Variants in NBEAL2 observed in about 807,000 individuals in gnomAD.
NBEAL2 encodes the protein neurobeachin like 2, also known as neurobeachin-like protein 2.
A neutral mutation model predicts 299.8 loss-of-function variants in NBEAL2; 160 were observed. That is an observed-to-expected ratio of 0.53 (90% confidence interval 0.47 to 0.61). The LOEUF is 0.61. Among genes scored for constraint, NBEAL2 ranks in the 20% least tolerant of loss-of-function variants. The probability of loss-of-function intolerance (pLI) is 0.00; values close to 1 mark genes in which losing one functional copy is unlikely to be tolerated. For missense variants in NBEAL2, 3,112 were observed against 3,649.0 expected (o/e 0.85, Z 3.79); for synonymous variants, 1,493 against 1,542.3 (o/e 0.97, Z 0.75).
At chr3:46,996,689 G>A in intron 16 of NBEAL2, 62 bp from the exon 17 acceptor site, 1 of 1,571,770 alleles carries the variant, frequency 6.4e-7, no homozygotes. Flanking sequence ...TGGTCAGGCA[G>A]TCTCTGGATG....
chr3:46,986,205 T>G (rs1273713350), intron 1 of NBEAL2, among the ~76,000 whole-genome samples: 1 of 152,126 alleles, frequency 6.6e-6, no homozygotes, highest in Non-Finnish European at 1.5e-5. Flanking sequence ...CCCAATCTGC[T>G]GAAAGTTTAC....
rs964829875 is a variant in NBEAL2, at chr3:47,000,207, A to G, written c.4108A>G (p.Thr1370Ala). Residue 1370 changes from threonine (T) to alanine (A), a missense_variant, in exon 27 of 54, where the codon ACT (threonine) becomes GCT (alanine). Coordinates refer to ENST00000450053, the MANE Select transcript of NBEAL2 (RefSeq NM_015175.3). The surrounding 1 kb of genome is among the most constrained non-coding windows in gnomAD (Gnocchi z 4.5). ...LERSSVGSGN[T>A]AGGGGSSGTL... is the part of the protein sequence containing the mutation. ...ACGGTCTAGTGTAGGATCAGGCAAC[A>G]CTGCTGGTGGTGGCGGCAGCAGTGG... is the stretch of plus-strand genomic sequence containing the variant. 2 of 1,613,610 alleles carry G rather than the reference A, an allele frequency of 1.2e-6. No individual in the cohort carries two copies. Among genetic ancestry groups the G allele is most frequent in the Non-Finnish European group, 1.7e-6 (2 of 1,179,858 alleles).
chr3:47,000,190 G>A lies in NBEAL2; in HGVS notation c.4091G>A (p.Ser1364Asn), dbSNP rs1183877578. The A allele has an allele frequency of 1.2e-6, 2 of 1,613,720 alleles. No homozygotes were observed. The highest frequency in any genetic ancestry group is 1.7e-6 in the Non-Finnish European group (2 of 1,179,898). ...TTTGACCTGGGCCTGGAACGGTCTA[G>A]TGTAGGATCAGGCAACACTGCTGGT... is the stretch of plus-strand genomic sequence containing the variant. Reference protein sequence around the residue: ...TPFDLGLERSSVGSGNTAGGG... With the variant: ...TPFDLGLERSNVGSGNTAGGG... The change falls in exon 27 of 54, where the codon AGT (serine) becomes AAT (asparagine). Residue 1364 changes from serine (S) to asparagine (N), a missense_variant. Physicochemically the swap from Ser to Asn is conservative, Grantham distance 46. Coordinates refer to ENST00000450053, the MANE Select transcript of NBEAL2 (RefSeq NM_015175.3). This position sits in a 1 kb window ranked among gnomAD's most constrained non-coding sequence, Gnocchi z 4.5.
chr3:46,996,129 C>T lies in NBEAL2; in HGVS notation c.2151+78C>T, dbSNP rs542565303. The stretch of plus-strand genomic sequence containing the variant: ...ACAGTGGGCAGGTGTAGCCTGGAGC[C>T]CTTGTGTCCCGTGCTGCCCCACAGG... On this transcript the variant is annotated intron_variant, in intron 15 of 53. Coordinates refer to ENST00000450053, the MANE Select transcript of NBEAL2 (RefSeq NM_015175.3). The T allele has an allele frequency of 3.0e-5, 46 of 1,548,608 alleles. No individual in the cohort carries two copies. In the South Asian group the frequency reaches 5.0e-4, roughly 17 times the overall value.
In NBEAL2 at chr3:46,988,263, C is replaced by G. The variant is rs1312095672; in HGVS notation, c.52-406C>G. ...GCAGATGAGGACCCAGCCCAAGGCT[C>G]TTGGTAGGGGGTGGCTGCTGTGTGG... is the stretch of plus-strand genomic sequence containing the variant. On this transcript the variant is annotated intron_variant, in intron 1 of 53. Transcript: ENST00000450053. The surrounding 1 kb of genome is among the most constrained non-coding windows in gnomAD (Gnocchi z 4.4). Among the ~76,000 whole-genome samples, 1 of 152,148 alleles carries G rather than the reference C, an allele frequency of 6.6e-6. No individual in the cohort carries two copies. Among genetic ancestry groups the G allele is most frequent in the East Asian group, 1.9e-4 (1 of 5,194 alleles).
chr3:46,985,488 G>A (rs1259086307), intron 1 of NBEAL2, among the ~76,000 whole-genome samples: 6 of 152,120 alleles, frequency 3.9e-5, no homozygotes, highest in Non-Finnish European at 8.8e-5. Flanking sequence ...CCAGAGGAGT[G>A]GCAGTTCCAT....
At position 47,001,886 on chromosome 3, in the gene NBEAL2, G is replaced by A. The variant is rs756652514; in HGVS notation, c.4783-34G>A. The A allele has an allele frequency of 1.1e-5, 18 of 1,607,210 alleles. No individual in the cohort carries two copies. Among genetic ancestry groups the A allele is most frequent in the Non-Finnish European group, 1.5e-5 (18 of 1,175,042 alleles). On this transcript the variant is annotated intron_variant, in intron 30 of 53. Transcript: ENST00000450053. The surrounding 1 kb of genome is among the most constrained non-coding windows in gnomAD (Gnocchi z 6.1). ...GTGAGATGTCGGGAGCTCCAAGAGT[G>A]GCTGGGTGCCACTCATCTCTCTTGC...
At chr3:46,992,260 G>A (rs1321673743) in intron 9 of NBEAL2, among the ~76,000 whole-genome samples, 7 of 152,172 alleles carry the variant, frequency 4.6e-5, no homozygotes, top group Non-Finnish European at 1.0e-4. Flanking sequence ...GCTAGAGGAG[G>A]GCACCACTGC....
chr3:46,981,711 G>T (rs1160907183), intron 1 of NBEAL2, among the ~76,000 whole-genome samples: 2 of 152,178 alleles, frequency 1.3e-5, no homozygotes, highest in Non-Finnish European at 2.9e-5. Context: ...GGTAAAGGGG[G>T]CTTAAACCAG....
chr3:47,004,158 T>A lies in NBEAL2; in HGVS notation c.5963T>A (p.Leu1988His). ...LRRFNLRRSA[L>H]ELFFIDQANY... ...CGTTTCAACCTGCGCCGTTCAGCAC[T>A]TGAGCTCTTCTTTATCGATCAGGCC... The change falls in exon 37 of 54, where the codon CTT becomes CAT. Residue 1988 changes from leucine to histidine, a missense_variant. Around this residue, in one of 3 missense-constraint regions of NBEAL2, gnomAD observed 521 missense variants for 729.6 expected, o/e 0.71. Transcript: ENST00000450053. This position sits in a 1 kb window ranked among gnomAD's most constrained non-coding sequence, Gnocchi z 5.0. The A allele has an allele frequency of 6.2e-7, 1 of 1,613,764 alleles. No homozygotes were observed.
Position 47,001,991 on chromosome 3 carries a change from C to T in NBEAL2, c.4854C>T (p.Ala1618=). 1 of 1,604,314 alleles carries T rather than the reference C, an allele frequency of 6.2e-7. No homozygotes were observed. Among genetic ancestry groups the T allele is most frequent in the Non-Finnish European group, 8.5e-7 (1 of 1,176,000 alleles). The change falls in exon 31 of 54, where the codon GCC becomes GCT. Residue 1618 remains alanine (A), a synonymous_variant. Transcript: ENST00000450053. This position sits in a 1 kb window ranked among gnomAD's most constrained non-coding sequence, Gnocchi z 6.1. ...QTAVPARREE[A]CYVLSKLEAA... ...CAGTGCCAGCCCGCCGCGAGGAGGC[C>T]TGCTATGTGCTCTCCAAGCTGGAGG...
At position 46,991,319 on chromosome 3, in the gene NBEAL2, G is replaced by C. The variant is rs770509779; in HGVS notation, c.642+15G>C. On this transcript the variant is annotated intron_variant, in intron 7 of 53. Transcript: ENST00000450053. This position sits in a 1 kb window ranked among gnomAD's most constrained non-coding sequence, Gnocchi z 6.2. ...CTGGAGGAAAGGTAGGCTGGGAGGT[G>C]AGCCTGTGGACTAGAGAGCAGCTCT... is the stretch of plus-strand genomic sequence containing the variant. 6.3e-7 allele frequency: 1 copy of C among 1,593,748 alleles called. No individual in the cohort carries two copies. Among genetic ancestry groups the C allele is most frequent in the Non-Finnish European group, 8.5e-7 (1 of 1,169,764 alleles).
rs1397943624 is a variant in NBEAL2 at position 46,995,070 on chromosome 3, A to T, written c.1335A>T (p.Pro445=). Residue 445 remains proline, a synonymous_variant, in exon 13 of 54, where the codon CCA becomes CCT. Coordinates refer to ENST00000450053, the MANE Select transcript of NBEAL2 (RefSeq NM_015175.3). ...EGDHSMCPPP[P]IRNEQPVLVL... is the part of the protein sequence containing the mutation. ...ACCACAGCATGTGCCCACCTCCACC[A>T]ATCCGCAACGAGCAGCCGGTACTGG... 4 of 1,558,746 alleles carry T rather than the reference A, an allele frequency of 2.6e-6. No homozygotes were observed. The highest frequency in any genetic ancestry group is 1.9e-5 in the Admixed American group (1 of 53,828).
chr3:47,008,318 A>G lies in NBEAL2; in HGVS notation c.7755A>G (p.Gly2585=), dbSNP rs186292946. 18 of 1,613,284 alleles carry G rather than the reference A, an allele frequency of 1.1e-5. No individual in the cohort carries two copies. In the South Asian group the frequency reaches 1.9e-4, roughly 17 times the overall value. ...TGATCATACACACTGTACGCCGCGG[A>G]CAGTTTGTAGCGGCACTACGGCCTC... ...GTVIIHTVRR[G]QFVAALRPLG... Residue 2585 remains glycine, a synonymous_variant, in exon 51 of 54, where the codon GGA becomes GGG. Transcript: ENST00000450053.
At chr3:46,998,040 C>T (rs2036631284) in intron 20 of NBEAL2, 27 bp from the exon 21 acceptor site, 1 of 1,544,298 alleles carries the variant, frequency 6.5e-7, no homozygotes, top group Non-Finnish European at 8.8e-7. Flanking sequence ...AGCCTGAGCC[C>T]TCACTCCAGC....
At chr3:47,006,915 CT>C in intron 45 of NBEAL2, 150 bp from the exon 46 acceptor site, 1 of 637,538 alleles carries the variant, frequency 1.6e-6, no homozygotes, top group Non-Finnish European at 2.7e-6. Flanking sequence ...CCTAAAGTCT[CT>C]GCCTGTTTCT....
chr3:47,005,070 C>A lies in NBEAL2; in HGVS notation c.6393C>A (p.Pro2131=). ...CTAAGCCCATCGGTGTGGTGAACCC[C>A]AAGCATGCCCAGCTCGTGAGGGAGA... ...DLSKPIGVVN[P]KHAQLVREKY... The change falls in exon 39 of 54, where the codon CCC becomes CCA. Residue 2131 remains proline (P), a synonymous_variant. Transcript: ENST00000450053. 1 of 1,613,832 alleles carries A rather than the reference C, an allele frequency of 6.2e-7. No homozygotes were observed.
At chr3:46,984,150 A>ATATAC (rs1553655127) in intron 1 of NBEAL2, among the ~76,000 whole-genome samples, 16 of 146,912 alleles carry the variant, frequency 1.1e-4, no homozygotes, top group East Asian at 4.0e-4. Flanking sequence ...AAAAAAAAAA[A>ATATAC]AAAAAATTAG....
At position 47,002,781 on chromosome 3, in the gene NBEAL2, C is replaced by A. The variant is rs745323832; in HGVS notation, c.5438C>A (p.Pro1813Gln). Residue 1813 changes from proline (P) to glutamine (Q), a missense_variant, in exon 33 of 54, where the codon CCA becomes CAA. Physicochemically the swap from Pro to Gln is moderately conservative, Grantham distance 76. Around this residue, in one of 3 missense-constraint regions of NBEAL2, gnomAD observed 2,243 missense variants for 2,538.1 expected, o/e 0.88. Coordinates refer to ENST00000450053, the MANE Select transcript of NBEAL2 (RefSeq NM_015175.3). ...GCGCTGTGGCGCCAGCTCGCCAGCC[C>A]ATGTGGGGCCTGGGCGCTGAGGTGG... ...WGALWRQLAS[P>Q]CGAWALRDTP... 1.5e-5 allele frequency: 23 copies of A among 1,551,386 alleles called. No individual in the cohort carries two copies. In the Middle Eastern group the frequency reaches 1.4e-3, roughly 97 times the overall value.
Sources: gnomAD v4.1 joint callset for allele counts (sites outside exome capture counted in the v4.1 genomes callset) on GRCh38, gnomAD v4.1.1 for gene constraint, gnomAD v4.1.1 regional missense constraint, Gnocchi (gnomAD v3.1) non-coding constraint, MANE v1.5 for transcripts, NCBI Gene and HGNC (gene_info 2026-07-23, HGNC 2026-07-21) for gene names.